Variants in PCSK2 observed in about 807,000 individuals in gnomAD.
PCSK2 encodes neuroendocrine convertase 2.
A neutral mutation model predicts 69.7 loss-of-function variants in PCSK2; 14 were observed. The observed-to-expected ratio is 0.20, with a 90% CI of 0.13 to 0.31. The LOEUF is 0.31. Ranked by LOEUF, PCSK2 falls within the 10% of genes least tolerant of loss-of-function variation. The pLI, the probability that PCSK2 is intolerant of heterozygous loss-of-function variation, is 1.00. For missense variants in PCSK2, 544 were observed against 842.5 expected (o/e 0.65, Z 4.39); for synonymous variants, 307 against 320.7 (o/e 0.96, Z 0.46).
chr20:17,288,890 A>T (rs1240778863), intron 2 of PCSK2, among the ~76,000 whole-genome samples: 1 of 152,244 alleles, frequency 6.6e-6, no homozygotes, highest in African/African-American at 2.4e-5. Flanking sequence ...TACTGGCTTC[A>T]ATCTAAATCA....
At chr20:17,257,062 G>C (rs769832230) in intron 1 of PCSK2, among the ~76,000 whole-genome samples, 3 of 151,690 alleles carry the variant, frequency 2.0e-5, no homozygotes, top group Non-Finnish European at 4.4e-5. Flanking sequence ...TGCTATTGTG[G>C]AACTTAAATA....
intron 8 of PCSK2, among the ~76,000 whole-genome samples, chr20:17,451,915 CTTTTTT>C (rs34323701): frequency 2.0e-5 from 2 of 101,610 alleles, no homozygotes; most frequent in African/African-American, 3.8e-5. Flanking sequence ...TTGTACTTTG[CTTTTTT>C]TTTTTTTTTT....
intron 2 of PCSK2, among the ~76,000 whole-genome samples, chr20:17,309,689 G>C (rs1989438915): frequency 6.6e-6 from 1 of 152,038 alleles, no homozygotes; most frequent in Admixed American, 6.6e-5. Flanking sequence ...CTGGTGGCAG[G>C]TGCCTGTAAT....
intron 5 of PCSK2, among the ~76,000 whole-genome samples, chr20:17,400,501 T>C (rs2031609388): frequency 6.6e-6 from 1 of 152,092 alleles, no homozygotes; most frequent in Non-Finnish European, 1.5e-5. Flanking sequence ...GAGTAATGCA[T>C]ACAAAATATC....
In PCSK2 at chr20:17,323,526, T is replaced by A. The variant is rs971719840; in HGVS notation, c.283-34801T>A. Among the ~76,000 whole-genome samples the A allele has an allele frequency of 8.2e-4, 125 of 152,186 alleles. 1 individual carries two copies. The highest frequency in any genetic ancestry group is 2.8e-3 in the African/African-American group (117 of 41,442). ...TCCAGAAACAGGAGATTAAGTAACATACCCAAGATTACAAAGCTATTAATG... is the reference window on the plus strand; with the variant it reads ...TCCAGAAACAGGAGATTAAGTAACAAACCCAAGATTACAAAGCTATTAATG... On this transcript the variant is annotated intron_variant, in intron 2 of 11. Transcript: ENST00000262545.
chr20:17,352,520 A>C lies in PCSK2; in HGVS notation c.283-5807A>C, dbSNP rs147837483. On this transcript the variant is annotated intron_variant, in intron 2 of 11. Transcript: ENST00000262545. Reference sequence around the variant, plus strand: ...ACAGACACATAGAACAATGGAACAGAAAAGAGAACTCAGAAATAAAGCCAC... The same window carrying C: ...ACAGACACATAGAACAATGGAACAGCAAAGAGAACTCAGAAATAAAGCCAC... Among the ~76,000 whole-genome samples the C allele has an allele frequency of 4.8e-3, 737 of 152,354 alleles. 5 individuals carry two copies. Among genetic ancestry groups the C allele is most frequent in the African/African-American group, 0.016 (646 of 41,594 alleles).
At chr20:17,347,787 CGAAAGAAAGAAAGAAAGAAA>C (rs58349005) in intron 2 of PCSK2, among the ~76,000 whole-genome samples, 1,829 of 48,498 alleles carry the variant, frequency 0.038, 51 homozygotes, top group African/African-American at 0.048. Flanking sequence ...GACACATAGA[CGAAAGAAAGAAAGAAAGAAA>C]GAAAGAAAGA....
chr20:17,358,303 A>G (rs777307005), intron 2 of PCSK2, 24 bp from the exon 3 acceptor site: 25 of 1,246,116 alleles, frequency 2.0e-5, no homozygotes, highest in South Asian at 7.2e-5. Context: ...ATATTCAGGT[A>G]ATATGTCAGC....
intron 5 of PCSK2, among the ~76,000 whole-genome samples, chr20:17,392,092 T>C (rs534632229): frequency 2.6e-5 from 4 of 152,300 alleles, no homozygotes; most frequent in African/African-American, 9.6e-5. Flanking sequence ...TAGGACACTT[T>C]CCAACTAACA....
chr20:17,475,739 A>G (rs2033279358), intron 11 of PCSK2, among the ~76,000 whole-genome samples: 1 of 152,228 alleles, frequency 6.6e-6, no homozygotes, highest in Non-Finnish European at 1.5e-5. Context: ...CTTAGAATTC[A>G]GCTGGTGTTC....
At chr20:17,304,395 G>T (rs1014327465) in intron 2 of PCSK2, among the ~76,000 whole-genome samples, 8 of 152,152 alleles carry the variant, frequency 5.3e-5, no homozygotes, top group African/African-American at 1.9e-4. Context: ...GAGTTGGGGA[G>T]ATGGAATTTC....
chr20:17,374,318 G>A (rs953072219), intron 5 of PCSK2, among the ~76,000 whole-genome samples: 1 of 152,188 alleles, frequency 6.6e-6, no homozygotes, highest in African/African-American at 2.4e-5. Context: ...GAGGATTGCA[G>A]GCTGGGTTCA....
chr20:17,373,033 A>AC (rs1246405818), intron 5 of PCSK2, among the ~76,000 whole-genome samples: 2 of 152,174 alleles, frequency 1.3e-5, no homozygotes, highest in Non-Finnish European at 2.9e-5. Flanking sequence ...TCGTTAAGTG[A>AC]CCTAATGGCT....
At chr20:17,362,152 C>G (rs2030417495) in intron 4 of PCSK2, among the ~76,000 whole-genome samples, 1 of 152,180 alleles carries the variant, frequency 6.6e-6, no homozygotes. Context: ...AGCTCTTTGA[C>G]TGACTCCTAA....
At chr20:17,278,021 T>G (rs1018545838) in intron 2 of PCSK2, among the ~76,000 whole-genome samples, 5 of 152,088 alleles carry the variant, frequency 3.3e-5, no homozygotes, top group African/African-American at 1.2e-4. Context: ...CACAATGAGA[T>G]ACCATCTCAC....
At chr20:17,266,800 T>G (rs186933977) in intron 2 of PCSK2, among the ~76,000 whole-genome samples, 8 of 152,252 alleles carry the variant, frequency 5.3e-5, no homozygotes, top group African/African-American at 1.9e-4. Flanking sequence ...TGTGCCCCCA[T>G]AATGACCAGT....
intron 11 of PCSK2, among the ~76,000 whole-genome samples, chr20:17,478,581 A>G (rs1463261334): frequency 6.6e-6 from 1 of 152,256 alleles, no homozygotes; most frequent in Admixed American, 6.5e-5. Flanking sequence ...ATTAGTTGAT[A>G]GAAAATTTTT....
chr20:17,453,398 T>C lies in PCSK2; in HGVS notation c.886-344T>C, dbSNP rs1267591486. Among the ~76,000 whole-genome samples the C allele has an allele frequency of 6.6e-6, 1 of 152,208 alleles. No homozygotes were observed. Among genetic ancestry groups the C allele is most frequent in the Non-Finnish European group, 1.5e-5 (1 of 68,032 alleles). ...CTAGAGAGTTGTTTTTTATTTTCCTTTCCATACAGTTAGACTTTTCATTGT... is the reference window on the plus strand; with the variant it reads ...CTAGAGAGTTGTTTTTTATTTTCCTCTCCATACAGTTAGACTTTTCATTGT... On this transcript the variant is annotated intron_variant, in intron 8 of 11. Transcript: ENST00000262545. The surrounding 1 kb of genome is among the most constrained non-coding windows in gnomAD (Gnocchi z 4.0).
At chr20:17,475,180 C>A (rs959302083) in intron 11 of PCSK2, among the ~76,000 whole-genome samples, 1 of 151,902 alleles carries the variant, frequency 6.6e-6, no homozygotes, top group Non-Finnish European at 1.5e-5. Context: ...AACGCCACCA[C>A]ACAGTTGTCC....
Sources: gnomAD v4.1 joint callset for allele counts (sites outside exome capture counted in the v4.1 genomes callset) on GRCh38, gnomAD v4.1.1 for gene constraint, Gnocchi (gnomAD v3.1) non-coding constraint, MANE v1.5 for transcripts, NCBI Gene and HGNC (gene_info 2026-07-23, HGNC 2026-07-21) for gene names.